The following IL1RAP variants were observed in gnomAD, a reference collection of about 807,000 sequenced individuals.
The protein encoded by IL1RAP is interleukin-1 receptor accessory protein.
Under a neutral mutation model 60.7 loss-of-function variants are expected in IL1RAP, and 35 were observed. The observed-to-expected ratio is 0.58, with a 90% CI of 0.44 to 0.76. The LOEUF (loss-of-function observed/expected upper bound fraction) is 0.76. Ranked by LOEUF, IL1RAP falls within the 30% of genes least tolerant of loss-of-function variation. The probability of loss-of-function intolerance (pLI) is 0.00; values close to 1 mark genes in which losing one functional copy is unlikely to be tolerated. For missense variants in IL1RAP, 572 were observed against 693.9 expected (o/e 0.82, Z 1.97); for synonymous variants, 268 against 250.9 (o/e 1.07, Z -0.64).
downstream of IL1RAP, chr3:190,656,225 C>T: frequency 6.5e-7 from 1 of 1,537,176 alleles, no homozygotes; most frequent in Non-Finnish European, 8.7e-7. Flanking sequence ...AGCTGCTCTT[C>T]CCAGTCTGAC....
chr3:190,527,671 G>A (rs1400109925), intron 1 of IL1RAP, among the ~76,000 whole-genome samples: 1 of 148,180 alleles, frequency 6.7e-6, no homozygotes, highest in Non-Finnish European at 1.5e-5. Context: ...GAACCAATAT[G>A]GTGCTTGTTT....
chr3:190,577,813 G>A (rs1727630602), intron 3 of IL1RAP, among the ~76,000 whole-genome samples: 1 of 152,096 alleles, frequency 6.6e-6, no homozygotes, highest in Non-Finnish European at 1.5e-5. Flanking sequence ...CCAAAGTACT[G>A]GGATTACAGG....
intron 1 of IL1RAP, among the ~76,000 whole-genome samples, chr3:190,554,407 A>T (rs1320273847): frequency 6.6e-6 from 1 of 152,136 alleles, no homozygotes; most frequent in Non-Finnish European, 1.5e-5. Context: ...GCAAACTTTC[A>T]TGGCTCCACC....
intron 3 of IL1RAP, among the ~76,000 whole-genome samples, chr3:190,564,925 T>G (rs2241343): frequency 0.23 from 34,220 of 152,022 alleles, 4,948 homozygotes; most frequent in African/African-American, 0.42. Flanking sequence ...TGAAATTAGA[T>G]ATGGAAGAGA....
chr3:190,592,186 A>C (rs1488094051), intron 3 of IL1RAP, among the ~76,000 whole-genome samples: 1 of 152,118 alleles, frequency 6.6e-6, no homozygotes, highest in East Asian at 1.9e-4. Context: ...CACCCAGCTA[A>C]TGTTTCTATT....
intron 3 of IL1RAP, among the ~76,000 whole-genome samples, chr3:190,599,971 T>C (rs556313892): frequency 6.6e-6 from 1 of 152,246 alleles, no homozygotes; most frequent in Admixed American, 6.5e-5. Context: ...AGAATGTTGA[T>C]AGTATTTTTT....
chr3:190,545,787 T>C (rs762941005), intron 1 of IL1RAP, among the ~76,000 whole-genome samples: 25 of 152,292 alleles, frequency 1.6e-4, no homozygotes, highest in Non-Finnish European at 2.9e-4. Flanking sequence ...TGGAGATCTC[T>C]TTAGGTTGTG....
At chr3:190,633,933 A>G (rs1035997654) in intron 9 of IL1RAP, among the ~76,000 whole-genome samples, 3 of 152,172 alleles carry the variant, frequency 2.0e-5, no homozygotes, top group African/African-American at 4.8e-5. Flanking sequence ...GAGAGCAGCC[A>G]TCTTTGCATT....
At chr3:190,602,433 ATTT>A (rs1729942552) in intron 3 of IL1RAP, among the ~76,000 whole-genome samples, 1 of 152,168 alleles carries the variant, frequency 6.6e-6, no homozygotes, top group Non-Finnish European at 1.5e-5. Context: ...TTTATAAGAC[ATTT>A]CAAAAATCTT....
At chr3:190,591,956 A>G (rs1049769834) in intron 3 of IL1RAP, among the ~76,000 whole-genome samples, 1 of 152,128 alleles carries the variant, frequency 6.6e-6, no homozygotes, top group Non-Finnish European at 1.5e-5. Context: ...TCATTACAGT[A>G]ATTTTTTTTA....
At chr3:190,575,648 T>A (rs1029227922) in intron 3 of IL1RAP, among the ~76,000 whole-genome samples, 1 of 152,188 alleles carries the variant, frequency 6.6e-6, no homozygotes, top group Non-Finnish European at 1.5e-5. Flanking sequence ...GAAGCCGTGG[T>A]CAGAGTGCAG....
At chr3:190,526,744 AC>A (rs1274956843) in intron 1 of IL1RAP, among the ~76,000 whole-genome samples, 1 of 152,226 alleles carries the variant, frequency 6.6e-6, no homozygotes, top group Non-Finnish European at 1.5e-5. Flanking sequence ...TATTTTTTGA[AC>A]TAAAATAACC....
At chr3:190,600,063 G>T in intron 3 of IL1RAP, among the ~76,000 whole-genome samples, 1 of 152,034 alleles carries the variant, frequency 6.6e-6, no homozygotes, top group South Asian at 2.1e-4. Flanking sequence ...TTTTGTGGTA[G>T]AGGTTTTTCT....
At chr3:190,547,217 A>ATG (rs1219898593) in intron 1 of IL1RAP, among the ~76,000 whole-genome samples, 1 of 152,216 alleles carries the variant, frequency 6.6e-6, no homozygotes, top group Non-Finnish European at 1.5e-5. Context: ...GGGGAATTGC[A>ATG]TGGTGTTACT....
chr3:190,522,332 TC>T (rs1468249710), intron 1 of IL1RAP, among the ~76,000 whole-genome samples: 6 of 139,374 alleles, frequency 4.3e-5, no homozygotes, highest in African/African-American at 1.8e-4. Context: ...CTTCCTTCCT[TC>T]CTTCCTTCCT....
rs75759992 is a variant in IL1RAP, at chr3:190,607,508, A to G, written c.351-1487A>G. 1.2e-3 allele frequency among the ~76,000 whole-genome samples: 187 copies of G among 152,286 alleles called. No homozygotes were observed. The East Asian group carries it at 0.03, about 24-fold the overall frequency. On this transcript the variant is annotated intron_variant, in intron 4 of 11. Coordinates refer to ENST00000447382, the MANE Select transcript of IL1RAP (RefSeq NM_002182.4). ...AAGCGTACGTATCTATAACATAACA[A>G]TCTAATTTTGAGCTATAACAAATTT...
intron 3 of IL1RAP, among the ~76,000 whole-genome samples, chr3:190,583,343 C>A (rs1416536669): frequency 3.3e-5 from 5 of 152,174 alleles, no homozygotes; most frequent in South Asian, 2.1e-4. Flanking sequence ...ACACTTAATT[C>A]TTTAAATCAG....
chr3:190,588,573 T>C (rs957969191), intron 3 of IL1RAP, among the ~76,000 whole-genome samples: 1 of 152,146 alleles, frequency 6.6e-6, no homozygotes, highest in African/African-American at 2.4e-5. Context: ...CACAAGATGT[T>C]TGTGTGTGTA....
intron 3 of IL1RAP, among the ~76,000 whole-genome samples, chr3:190,582,750 TG>T (rs1306734998): frequency 2.0e-5 from 3 of 152,216 alleles, no homozygotes; most frequent in Admixed American, 6.5e-5. Context: ...GTCTCCTCTG[TG>T]GAAAACCCTG....
Sources: allele counts gnomAD v4.1 joint callset (sites outside exome capture counted in the v4.1 genomes callset), GRCh38; gene constraint gnomAD v4.1.1; transcripts MANE v1.5; gene names NCBI Gene and HGNC (gene_info 2026-07-23, HGNC 2026-07-21).